Variants in CBL observed in about 807,000 individuals in gnomAD.
CBL encodes Cbl proto-oncogene.
A neutral mutation model predicts 96.9 loss-of-function variants in CBL; 45 were observed. The observed-to-expected ratio is 0.46, with a 90% confidence interval of 0.37 to 0.60. The LOEUF is 0.60. Ranked by LOEUF, CBL falls within the 20% of genes least tolerant of loss-of-function variation. The pLI, the probability that CBL is intolerant of heterozygous loss-of-function variation, is 0.00. For missense variants in CBL, 1,024 were observed against 1,143.5 expected, an observed-to-expected ratio of 0.90 and a Z score of 1.51; for synonymous variants, 420 against 426.8, an observed-to-expected ratio of 0.98 and a Z score of 0.20.
intron 2 of CBL, among the ~76,000 whole-genome samples, chr11:119,268,582 A>T (rs1237338259): frequency 1.3e-5 from 2 of 152,252 alleles, no homozygotes; most frequent in Non-Finnish European, 2.9e-5. Flanking sequence ...AAAAACTACC[A>T]AGGCCTAAGA....
chr11:119,242,404 G>A (rs1418061965), intron 2 of CBL, among the ~76,000 whole-genome samples: 2 of 151,908 alleles, frequency 1.3e-5, no homozygotes, highest in African/African-American at 4.8e-5. Flanking sequence ...TGGGCATGGT[G>A]GCGGGTACCT....
chr11:119,264,099 T>G (rs1949776311), intron 2 of CBL, among the ~76,000 whole-genome samples: 1 of 152,248 alleles, frequency 6.6e-6, no homozygotes. Flanking sequence ...AGCTTTTTTG[T>G]TAATCATTGT....
intron 2 of CBL, among the ~76,000 whole-genome samples, chr11:119,234,301 T>G (rs548259574): frequency 2.5e-4 from 38 of 152,306 alleles, no homozygotes; most frequent in Admixed American, 2.2e-3. Flanking sequence ...CCACTTCAGC[T>G]GGCCTGTCCA....
chr11:119,221,326 C>T (rs376278780), intron 1 of CBL, among the ~76,000 whole-genome samples: 2 of 151,112 alleles, frequency 1.3e-5, no homozygotes, highest in Non-Finnish European at 2.9e-5. Flanking sequence ...TTGAGGTGGG[C>T]GGATTGCTTG....
At chr11:119,228,779 A>G (rs1592375781) in intron 1 of CBL, among the ~76,000 whole-genome samples, 1 of 146,112 alleles carries the variant, frequency 6.8e-6, no homozygotes. Context: ...CCACACCACC[A>G]CCACTCCTAG....
chr11:119,295,492 C>T (rs1042140892), intron 12 of CBL, among the ~76,000 whole-genome samples: 16 of 151,728 alleles, frequency 1.1e-4, no homozygotes, highest in Admixed American at 1.1e-3. Flanking sequence ...GAGGCTGGGG[C>T]GGGAGGATCA....
chr11:119,243,426 A>T (rs2135273929), intron 2 of CBL, among the ~76,000 whole-genome samples: 1 of 151,974 alleles, frequency 6.6e-6, no homozygotes, highest in Middle Eastern at 3.4e-3. Flanking sequence ...TGCTGGGATT[A>T]TAGGCATGAA....
chr11:119,260,475 T>C (rs1005189737), intron 2 of CBL, among the ~76,000 whole-genome samples: 4 of 151,984 alleles, frequency 2.6e-5, no homozygotes, highest in African/African-American at 9.7e-5. Flanking sequence ...TCAGCTTCTT[T>C]ATGCCTAAAT....
At chr11:119,244,093 A>G (rs1949606909) in intron 2 of CBL, among the ~76,000 whole-genome samples, 1 of 152,216 alleles carries the variant, frequency 6.6e-6, no homozygotes, top group Non-Finnish European at 1.5e-5. Context: ...CGAATTCACA[A>G]GAACAGTTCT....
chr11:119,261,285 C>T (rs573039929), intron 2 of CBL, among the ~76,000 whole-genome samples: 8 of 152,214 alleles, frequency 5.3e-5, no homozygotes, highest in African/African-American at 1.4e-4. Context: ...GTCTTATATT[C>T]GGACAGAGAA....
In CBL at chr11:119,298,422, T is replaced by C; in HGVS notation, c.2316T>C (p.Asp772=). Reference sequence around the variant, plus strand: ...CCGAGGAGTCAGAAAATGAGGATGATGGGTATGATGTCCCAAAGCCACCTG... The same window carrying C: ...CCGAGGAGTCAGAAAATGAGGATGACGGGTATGATGTCCCAAAGCCACCTG... ...TGPEESENED[D]GYDVPKPPVP... is the part of the protein sequence containing the mutation. The change falls in exon 15 of 16, where the codon GAT becomes GAC. Residue 772 remains aspartate, a synonymous_variant. Transcript: ENST00000264033. 2 of 1,614,182 alleles carry C rather than the reference T, an allele frequency of 1.2e-6. No individual in the cohort carries two copies. The highest frequency in any genetic ancestry group is 1.7e-6 in the Non-Finnish European group (2 of 1,180,006).
chr11:119,274,849 C>T lies in CBL; in HGVS notation c.765C>T (p.Leu255=). The change falls in exon 5 of 16, where the codon CTC becomes CTT. Residue 255 remains leucine, a synonymous_variant. Transcript: ENST00000264033. ...TRLFQPWSSL[L]RNWNSLAVTH... ...TTCTTTAGCCCTGGTCCTCTTTGCT[C>T]AGGAATTGGAACAGCCTTGCTGTAA... The T allele has an allele frequency of 1.9e-6, 3 of 1,612,734 alleles. No homozygotes were observed. The highest frequency in any genetic ancestry group is 1.7e-6 in the Non-Finnish European group (2 of 1,179,342).
At chr11:119,252,546 T>C (rs1404631700) in intron 2 of CBL, among the ~76,000 whole-genome samples, 1 of 152,170 alleles carries the variant, frequency 6.6e-6, no homozygotes, top group Non-Finnish European at 1.5e-5. Flanking sequence ...TGACTAAATA[T>C]TAGATACTCT....
In CBL at chr11:119,277,241, GCA is replaced by G. The variant is rs59099916; in HGVS notation, c.1008-487_1008-486del. On this transcript the variant is annotated intron_variant, in intron 6 of 15. Transcript: ENST00000264033. ...CAAAAAAAAAATAAGAATCTGTCGC[GCA>G]CACACACACACACACACACACACAC... Among the ~76,000 whole-genome samples, 127 of 146,320 alleles carry G rather than the reference GCA, an allele frequency of 8.7e-4. 1 individual carries two copies. The highest frequency in any genetic ancestry group is 1.9e-3 in the South Asian group (9 of 4,686).
intron 11 of CBL, among the ~76,000 whole-genome samples, chr11:119,287,120 C>T (rs1033285311): frequency 2.0e-5 from 3 of 152,114 alleles, no homozygotes; most frequent in Non-Finnish European, 4.4e-5. Flanking sequence ...ATAGCCAGTA[C>T]TAAATGAGCA....
At chr11:119,283,629 T>C (rs868519450) in intron 9 of CBL, among the ~76,000 whole-genome samples, 70 of 45,112 alleles carry the variant, frequency 1.6e-3, no homozygotes, top group African/African-American at 9.4e-3. Flanking sequence ...TTCTTTCTTT[T>C]TTTTTTTTTT....
chr11:119,228,823 T>A (rs1949479462), intron 1 of CBL, among the ~76,000 whole-genome samples: 1 of 150,878 alleles, frequency 6.6e-6, no homozygotes, highest in African/African-American at 2.4e-5. Context: ...TCTTTTTTTT[T>A]TTTGGAGACG....
At chr11:119,284,852 CTGGCCCA>C (rs955631989) in intron 9 of CBL, 110 bp from the exon 10 acceptor site, 2 of 1,260,166 alleles carry the variant, frequency 1.6e-6, no homozygotes, top group Admixed American at 3.4e-5. Flanking sequence ...AAACCTAGGT[CTGGCCCA>C]TTTGTAGTTT....
rs1249838416 is a variant in CBL, at chr11:119,308,077, A to ACTAAAGAG, written c.*8299_*8306dup. The ACTAAAGAG allele has an allele frequency of 5.7e-6, 1 of 176,878 alleles. No homozygotes were observed. Among genetic ancestry groups the ACTAAAGAG allele is most frequent in the Admixed American group, 6.3e-5 (1 of 15,822 alleles). 11.0% of individuals were successfully genotyped at this position (176,878 alleles called of 1,614,324 possible). A position where few individuals can be genotyped will look rare whatever the true frequency, so the allele number is the denominator to read the frequency against. On this transcript the variant is annotated 3_prime_UTR_variant, in exon 16 of 16. Coordinates refer to ENST00000264033, the MANE Select transcript of CBL (RefSeq NM_005188.4). ...TTTCATTTCCATACACAGTTAGTTA[A>ACTAAAGAG]CTAAAGAGCTTTTTCAAGCACCCAT...
Sources: gnomAD v4.1 joint callset for allele counts (sites outside exome capture counted in the v4.1 genomes callset) on GRCh38, gnomAD v4.1.1 for gene constraint, MANE v1.5 for transcripts, NCBI Gene and HGNC (gene_info 2026-07-23, HGNC 2026-07-21) for gene names.